NRDC: variants seen among roughly 807,000 people sequenced by gnomAD.
The protein encoded by NRDC is nardilysin.
NRDC carries 54 observed loss-of-function variants against 147.1 expected under a neutral mutation model. The observed-to-expected ratio is 0.37, with a 90% CI of 0.29 to 0.46. The LOEUF is 0.46. NRDC is among the 20% of genes least tolerant of loss of function. The probability of loss-of-function intolerance (pLI) is 1.00; values close to 1 mark genes in which losing one functional copy is unlikely to be tolerated. For missense variants in NRDC, 1,082 were observed against 1,370.6 expected (o/e 0.79, Z 3.33); for synonymous variants, 440 against 482.1 (o/e 0.91, Z 1.14).
intron 1 of NRDC, among the ~76,000 whole-genome samples, chr1:51,860,550 A>T (rs1557936659): frequency 6.6e-6 from 1 of 152,162 alleles, no homozygotes; most frequent in African/African-American, 2.4e-5. Flanking sequence ...ATGGCATTTC[A>T]TACACCTTGG....
chr1:51,860,819 A>G (rs3001782), intron 1 of NRDC, among the ~76,000 whole-genome samples: 3,374 of 152,334 alleles, frequency 0.022, 111 homozygotes, highest in African/African-American at 0.077. Context: ...CAAGAGAGAT[A>G]GTGTGGGACA....
chr1:51,834,242 T>C (rs1680841928), intron 3 of NRDC, 72 bp from the exon 4 acceptor site: 5 of 1,464,542 alleles, frequency 3.4e-6, no homozygotes, highest in East Asian at 4.5e-5. Context: ...TGAACTTTCT[T>C]ATATGCATAG....
At chr1:51,867,051 T>C (rs1442306150) in intron 1 of NRDC, among the ~76,000 whole-genome samples, 1 of 152,128 alleles carries the variant, frequency 6.6e-6, no homozygotes, top group Non-Finnish European at 1.5e-5. Context: ...CATAGCTTAC[T>C]GTAACCTCAA....
intron 1 of NRDC, among the ~76,000 whole-genome samples, chr1:51,844,707 G>A (rs1681448315): frequency 6.7e-6 from 1 of 148,678 alleles, no homozygotes; most frequent in African/African-American, 2.5e-5. Context: ...TGGCGCCACT[G>A]CACTCCAGCC....
chr1:51,840,615 A>G (rs1681222589), intron 1 of NRDC, 101 bp from the exon 2 acceptor site: 3 of 780,444 alleles, frequency 3.8e-6, no homozygotes, highest in Non-Finnish European at 6.1e-6. Context: ...ATCCAAGTAA[A>G]AGTACAAACA....
intron 9 of NRDC, among the ~76,000 whole-genome samples, chr1:51,819,067 G>A (rs1008604243): frequency 1.3e-5 from 2 of 152,078 alleles, no homozygotes; most frequent in Non-Finnish European, 2.9e-5. Flanking sequence ...TGTGGGAGGC[G>A]AAGGCAGGCG....
At chr1:51,822,201 G>C (rs1680241376) in intron 7 of NRDC, among the ~76,000 whole-genome samples, 1 of 152,086 alleles carries the variant, frequency 6.6e-6, no homozygotes, top group African/African-American at 2.4e-5. Context: ...AAGAGTATTT[G>C]TTAGTTCTAC....
chr1:51,857,373 T>C (rs1571911747), intron 1 of NRDC, among the ~76,000 whole-genome samples: 1 of 152,222 alleles, frequency 6.6e-6, no homozygotes, highest in Non-Finnish European at 1.5e-5. Context: ...TCTTCAATCA[T>C]GGGACTGCAC....
intron 1 of NRDC, among the ~76,000 whole-genome samples, chr1:51,870,148 AAAT>A (rs1683013708): frequency 6.6e-6 from 1 of 152,246 alleles, no homozygotes; most frequent in Non-Finnish European, 1.5e-5. Flanking sequence ...TACATTCTAC[AAAT>A]ATTATTTGAG....
Position 51,814,076 on chromosome 1 carries a change from T to A in NRDC, c.1633A>T (p.Ile545Phe). The A allele has an allele frequency of 6.2e-7, 1 of 1,601,772 alleles. No individual in the cohort carries two copies. The highest frequency in any genetic ancestry group is 8.6e-7 in the Non-Finnish European group (1 of 1,169,278). The change falls in exon 14 of 31, where the codon ATT becomes TTT. Residue 545 changes from isoleucine to phenylalanine, a missense_variant. Physicochemically the swap from Ile to Phe is conservative, Grantham distance 21. Coordinates refer to ENST00000352171, the MANE Select transcript of NRDC (RefSeq NM_001101662.2). ...AATTCATTATCCTCAATTTTCCGAA[T>A]CTCTTCAAAAATTCTGTGAAGGAGA... ...LGPEKRIFEE[I>F]RKIEDNEFHY...
chr1:51,800,685 TA>T lies in NRDC; in HGVS notation c.2314-3del, dbSNP rs1305681845. ...GTCAATAATGAGCTGAAACAGTAGC[TA>T]AAAGAAAAAGAAGGAAGCATTTTAA... On this transcript the variant is annotated splice_region_variant and splice_polypyrimidine_tract_variant and intron_variant, in intron 20 of 30. Coordinates refer to ENST00000352171, the MANE Select transcript of NRDC (RefSeq NM_001101662.2). The T allele has an allele frequency of 1.9e-6, 3 of 1,608,938 alleles. No individual in the cohort carries two copies. The highest frequency in any genetic ancestry group is 2.5e-6 in the Non-Finnish European group (3 of 1,178,392).
At position 51,807,323 on chromosome 1, in the gene NRDC, C is replaced by A. The variant is rs192799061; in HGVS notation, c.1991-410G>T. Among the ~76,000 whole-genome samples the A allele has an allele frequency of 2.0e-5, 3 of 152,236 alleles. No individual in the cohort carries two copies. The East Asian group carries it at 5.8e-4, about 29-fold the overall frequency. On this transcript the variant is annotated intron_variant, in intron 17 of 30. Transcript: ENST00000352171. The stretch of plus-strand genomic sequence containing the variant: ...TAGTTCTGCTCAAAGTCAAACTTGT[C>A]CTTTTGGTTAATTAAAACAACAGTT...
chr1:51,848,571 C>T lies in NRDC; in HGVS notation c.342-8057G>A, dbSNP rs561691963. Among the ~76,000 whole-genome samples, 219 of 152,128 alleles carry T rather than the reference C, an allele frequency of 1.4e-3. 1 individual carries two copies. The highest frequency in any genetic ancestry group is 7.0e-3 in the South Asian group (34 of 4,828). ...ATTATTACCTAGAACAAGAGAATTACCAAAAACAAAACCCAAAAACTATTA... is the reference window on the plus strand; with the variant it reads ...ATTATTACCTAGAACAAGAGAATTATCAAAAACAAAACCCAAAAACTATTA... On this transcript the variant is annotated intron_variant, in intron 1 of 30. Transcript: ENST00000352171.
At chr1:51,878,109 A>C in intron 1 of NRDC, 166 bp downstream of exon 1, 1 of 1,424,858 alleles carries the variant, frequency 7.0e-7, no homozygotes, top group East Asian at 2.5e-5. Flanking sequence ...AGCTGACACC[A>C]CAGGGAAGCC....
chr1:51,835,123 G>A (rs1399366217), intron 3 of NRDC, among the ~76,000 whole-genome samples: 1 of 152,232 alleles, frequency 6.6e-6, no homozygotes, highest in Admixed American at 6.5e-5. Flanking sequence ...GTGCAATGGC[G>A]TGATCTCGGC....
At chr1:51,866,203 C>T (rs1682796830) in intron 1 of NRDC, among the ~76,000 whole-genome samples, 1 of 151,984 alleles carries the variant, frequency 6.6e-6, no homozygotes, top group Non-Finnish European at 1.5e-5. Context: ...GCCTGGATAA[C>T]AGAGTGAGAC....
intron 7 of NRDC, among the ~76,000 whole-genome samples, chr1:51,822,483 A>G (rs1290578993): frequency 6.6e-6 from 1 of 152,190 alleles, no homozygotes; most frequent in Non-Finnish European, 1.5e-5. Context: ...TGAGGTTACA[A>G]TGAGCTATGA....
intron 11 of NRDC, among the ~76,000 whole-genome samples, chr1:51,815,434 C>T (rs1679924090): frequency 6.6e-6 from 1 of 152,008 alleles, no homozygotes; most frequent in Admixed American, 6.6e-5. Flanking sequence ...CATAGGTTGT[C>T]TAAGAAAGAA....
At chr1:51,830,109 C>A (rs766205212) in intron 4 of NRDC, among the ~76,000 whole-genome samples, 52 of 151,834 alleles carry the variant, frequency 3.4e-4, no homozygotes, top group African/African-American at 1.1e-3. Context: ...GGGCTACAGG[C>A]ACCCGCCACC....
Sources: allele counts gnomAD v4.1 joint callset (sites outside exome capture counted in the v4.1 genomes callset), GRCh38; gene constraint gnomAD v4.1.1; transcripts MANE v1.5; gene names NCBI Gene and HGNC (gene_info 2026-07-23, HGNC 2026-07-21).